Variants in LRRFIP1 observed in about 807,000 individuals in gnomAD.
The protein encoded by LRRFIP1 is leucine-rich repeat flightless-interacting protein 1.
LRRFIP1 carries 62 observed loss-of-function variants against 104.4 expected under a neutral mutation model. That is an observed-to-expected ratio of 0.59 (90% CI 0.48 to 0.73). The LOEUF (loss-of-function observed/expected upper bound fraction) is 0.73, where lower values mean the gene tolerates loss of function less well. Ranked by LOEUF, LRRFIP1 falls within the 30% of genes least tolerant of loss-of-function variation. The pLI is 0.00. For missense variants in LRRFIP1, 796 were observed against 824.5 expected, an observed-to-expected ratio of 0.97 and a Z score of 0.42; for synonymous variants, 300 against 299.0, an observed-to-expected ratio of 1.00 and a Z score of -0.03.
chr2:237,713,440 A>G (rs1229208657), intron 2 of LRRFIP1, among the ~76,000 whole-genome samples: 1 of 152,204 alleles, frequency 6.6e-6, no homozygotes, highest in African/African-American at 2.4e-5. Flanking sequence ...ATAGAAGAAA[A>G]TGGTGATCAT....
At chr2:237,650,169 G>A (rs2149385501) in intron 1 of LRRFIP1, among the ~76,000 whole-genome samples, 1 of 152,186 alleles carries the variant, frequency 6.6e-6, no homozygotes, top group African/African-American at 2.4e-5. Context: ...GCTGTTTTCT[G>A]TGGGGTGCCA....
chr2:237,665,834 T>G (rs2089121820), intron 1 of LRRFIP1, among the ~76,000 whole-genome samples: 1 of 152,226 alleles, frequency 6.6e-6, no homozygotes, highest in South Asian at 2.1e-4. Context: ...TGGGGTCGTT[T>G]GTGGAAGGAT....
chr2:237,723,500 A>C (rs2094607253), intron 6 of LRRFIP1, 48 bp from the exon 7 acceptor site: 3 of 1,597,944 alleles, frequency 1.9e-6, no homozygotes, highest in Non-Finnish European at 2.6e-6. Flanking sequence ...TACTTTTGGC[A>C]ACTCTCTTTG....
At chr2:237,687,603 CAAAA>C (rs58549867) in intron 1 of LRRFIP1, among the ~76,000 whole-genome samples, 1 of 81,100 alleles carries the variant, frequency 1.2e-5, no homozygotes, top group African/African-American at 4.7e-5. Flanking sequence ...GACTCCATCT[CAAAA>C]AAAAAAAAAA....
chr2:237,772,497 G>GA (rs60861314), intron 21 of LRRFIP1: 79,080 of 337,450 alleles, frequency 0.23, 3,803 homozygotes, highest in East Asian at 0.36. Context: ...TTGATTGTAT[G>GA]AAAAAAAAAA....
intron 11 of LRRFIP1, among the ~76,000 whole-genome samples, chr2:237,741,844 G>GA (rs976032842): frequency 6.6e-6 from 1 of 151,296 alleles, no homozygotes; most frequent in Non-Finnish European, 1.5e-5. Flanking sequence ...AAAGAAAAAA[G>GA]AAAAAAAAGA....
At chr2:237,723,714 G>A in intron 7 of LRRFIP1, 128 bp downstream of exon 7, 1 of 1,169,346 alleles carries the variant, frequency 8.6e-7, no homozygotes, top group South Asian at 1.2e-5. Flanking sequence ...TATGAGGCCA[G>A]GAGGGCAGGC....
At chr2:237,714,728 A>G (rs1365311378) in intron 3 of LRRFIP1, among the ~76,000 whole-genome samples, 1 of 152,262 alleles carries the variant, frequency 6.6e-6, no homozygotes, top group Non-Finnish European at 1.5e-5. Context: ...ATGATATAAA[A>G]TGAACCTGCC....
intron 1 of LRRFIP1, among the ~76,000 whole-genome samples, chr2:237,648,852 AT>A (rs1284558448): frequency 1.3e-5 from 2 of 151,656 alleles, no homozygotes; most frequent in African/African-American, 4.8e-5. Flanking sequence ...GGAAGGAAAA[AT>A]GGTTGATTAC....
chr2:237,690,083 A>C (rs2092662550), intron 1 of LRRFIP1, among the ~76,000 whole-genome samples: 5 of 152,218 alleles, frequency 3.3e-5, no homozygotes. Flanking sequence ...TATGGTTTTC[A>C]GAAGCTGGTA....
chr2:237,735,251 GTC>G lies in LRRFIP1; in HGVS notation c.490-13_490-12del. The G allele has an allele frequency of 6.2e-7, 1 of 1,611,432 alleles. No individual in the cohort carries two copies. Among genetic ancestry groups the G allele is most frequent in the East Asian group, 2.2e-5 (1 of 44,812 alleles). On this transcript the variant is annotated splice_polypyrimidine_tract_variant and intron_variant, in intron 9 of 23. Transcript: ENST00000308482. This position sits in a 1 kb window ranked among gnomAD's most constrained non-coding sequence, Gnocchi z 4.6. ...GAAAGGAAGAGCGCCCATCCTGACA[GTC>G]TCTTTTGGTCGCAGGCGTCTGTGTT...
intron 1 of LRRFIP1, among the ~76,000 whole-genome samples, chr2:237,630,251 C>T (rs528237775): frequency 1.3e-5 from 2 of 152,286 alleles, no homozygotes; most frequent in Admixed American, 6.5e-5. Context: ...AATCACTATT[C>T]AAATGGCAAA....
intron 1 of LRRFIP1, among the ~76,000 whole-genome samples, chr2:237,692,676 G>T (rs2092895678): frequency 6.6e-6 from 1 of 152,152 alleles, no homozygotes. Context: ...GGCGCAGTGG[G>T]CGCGGGTCCG....
chr2:237,680,980 C>G (rs1457244662), intron 1 of LRRFIP1, among the ~76,000 whole-genome samples: 1 of 151,784 alleles, frequency 6.6e-6, no homozygotes. Context: ...GACCCTGTGT[C>G]AAAAACAACA....
chr2:237,715,678 G>T (rs1035076667), intron 3 of LRRFIP1, among the ~76,000 whole-genome samples: 5 of 152,230 alleles, frequency 3.3e-5, no homozygotes, highest in Non-Finnish European at 2.9e-5. Flanking sequence ...AGGAGGCGGC[G>T]ATTGCGCCTC....
intron 1 of LRRFIP1, chr2:237,692,201 C>G (rs937183097): frequency 4.7e-6 from 5 of 1,061,426 alleles, no homozygotes; most frequent in African/African-American, 1.7e-5. Context: ...CCCGCTTCCC[C>G]GGCGCCCTTC....
At chr2:237,629,233 C>T (rs1026187376) in intron 1 of LRRFIP1, among the ~76,000 whole-genome samples, 4 of 152,208 alleles carry the variant, frequency 2.6e-5, no homozygotes, top group Admixed American at 6.5e-5. Flanking sequence ...TTTAAAGGAC[C>T]TTTGGCTAAA....
chr2:237,674,844 AT>A (rs1015998304), intron 1 of LRRFIP1, among the ~76,000 whole-genome samples: 35 of 152,320 alleles, frequency 2.3e-4, no homozygotes, highest in African/African-American at 8.2e-4. Context: ...CACTGTCAGT[AT>A]TTGGTGGAAT....
chr2:237,754,699 C>T (rs1048360547), intron 15 of LRRFIP1, among the ~76,000 whole-genome samples: 10 of 152,194 alleles, frequency 6.6e-5, no homozygotes, highest in African/African-American at 1.9e-4. Flanking sequence ...GAACATTTTA[C>T]GCACAAAGTT....
Sources: gnomAD v4.1 joint callset for allele counts (sites outside exome capture counted in the v4.1 genomes callset) on GRCh38, gnomAD v4.1.1 for gene constraint, Gnocchi (gnomAD v3.1) non-coding constraint, MANE v1.5 for transcripts, NCBI Gene and HGNC (gene_info 2026-07-23, HGNC 2026-07-21) for gene names.